The following F7 variants were observed in gnomAD, a reference collection of about 807,000 sequenced individuals.
The protein encoded by F7 is coagulation factor VII.
A neutral mutation model predicts 47.5 loss-of-function variants in F7; 38 were observed. That is an observed-to-expected ratio of 0.80 (90% confidence interval 0.62 to 1.05). The LOEUF is 1.05. Among genes scored for constraint, F7 ranks in the 50% least tolerant of loss-of-function variants. The pLI is 0.00. For synonymous variants in F7, 244 were observed against 258.5 expected, an observed-to-expected ratio of 0.94 and a Z score of 0.54; for missense variants, 575 against 605.4, an observed-to-expected ratio of 0.95 and a Z score of 0.53.
chr13:113,109,496 C>A (rs1396866098), intron 1 of F7, among the ~76,000 whole-genome samples: 1 of 152,178 alleles, frequency 6.6e-6, no homozygotes, highest in East Asian at 1.9e-4. Flanking sequence ...CTCGGCCCCA[C>A]GTGGCCCAGT....
At chr13:113,106,916 C>T (rs2035972088) in intron 1 of F7, 2 of 1,599,654 alleles carry the variant, frequency 1.3e-6, no homozygotes, top group Non-Finnish European at 8.5e-7. Context: ...CAGAGGTGAG[C>T]AGGGACTGCC....
In F7 at chr13:113,107,274, GGC is replaced by G. The variant is rs1566904836; in HGVS notation, c.64+1371_64+1372del. ...GTCCCGGGAGTGTGGGTGTCCCGGG[GGC>G]GTGGGTGTCCCAGGAGTGTGGGTGT... On this transcript the variant is annotated intron_variant, in intron 1 of 7. Transcript: ENST00000346342. Among the ~76,000 whole-genome samples, 234 of 63,146 alleles carry G rather than the reference GGC, an allele frequency of 3.7e-3. 19 individuals carry two copies. The highest frequency in any genetic ancestry group is 9.1e-3 in the Middle Eastern group (1 of 110). 41.4% of individuals were successfully genotyped at this position (63,146 alleles called of 152,430 possible).
Position 113,116,760 on chromosome 13 carries a change from AC to A in F7, c.506-5del, listed in dbSNP as rs747883037. 1 of 1,597,944 alleles carries A rather than the reference AC, an allele frequency of 6.3e-7. No homozygotes were observed. The highest frequency in any genetic ancestry group is 1.7e-5 in the Admixed American group (1 of 60,010). On this transcript the variant is annotated splice_region_variant and splice_polypyrimidine_tract_variant and intron_variant, in intron 5 of 7. Coordinates refer to ENST00000346342, the MANE Select transcript of F7 (RefSeq NM_019616.4). ...TCTGCATCTTTCTGACTTTTGTTTT[AC>A]ACAGTTGAATATCCATGTGGAAAAA...
In F7 at chr13:113,118,878, G is replaced by T; in HGVS notation, c.1205G>T (p.Trp402Leu). 2 of 1,612,816 alleles carry T rather than the reference G, an allele frequency of 1.2e-6. No individual in the cohort carries two copies. Among genetic ancestry groups the T allele is most frequent in the Non-Finnish European group, 1.7e-6 (2 of 1,179,952 alleles). The change falls in exon 8 of 8, where the codon TGG becomes TTG. Residue 402 changes from tryptophan (W) to leucine (L), a missense_variant. Physicochemically the swap from Trp to Leu is moderately conservative, Grantham distance 61. Coordinates refer to ENST00000346342, the MANE Select transcript of F7 (RefSeq NM_019616.4). ...TGGTACCTGACGGGCATCGTCAGCTGGGGCCAGGGCTGCGCAACCGTGGGC... is the reference window on the plus strand; with the variant it reads ...TGGTACCTGACGGGCATCGTCAGCTTGGGCCAGGGCTGCGCAACCGTGGGC... ...GTWYLTGIVSWGQGCATVGHF... is the reference protein window; with the variant it reads ...GTWYLTGIVSLGQGCATVGHF...
chr13:113,118,595 G>A lies in F7; in HGVS notation c.922G>A (p.Glu308Lys). The change falls in exon 8 of 8, where the codon GAG becomes AAG. Residue 308 changes from glutamate to lysine, a missense_variant. Physicochemically the swap from Glu to Lys is moderately conservative, Grantham distance 56. Coordinates refer to ENST00000346342, the MANE Select transcript of F7 (RefSeq NM_019616.4). The stretch of plus-strand genomic sequence containing the variant: ...CTGCCTGCCCGAACGGACGTTCTCT[G>A]AGAGGACGCTGGCCTTCGTGCGCTT... ...PLCLPERTFS[E>K]RTLAFVRFSL... 6.2e-7 allele frequency: 1 copy of A among 1,612,880 alleles called. No individual in the cohort carries two copies. Among genetic ancestry groups the A allele is most frequent in the Non-Finnish European group, 8.5e-7 (1 of 1,179,924 alleles).
Position 113,113,173 on chromosome 13 carries a change from C to CA in F7, c.226-578dup, listed in dbSNP as rs2036136157. Among the ~76,000 whole-genome samples the CA allele has an allele frequency of 6.6e-6, 1 of 152,234 alleles. No homozygotes were observed. Among genetic ancestry groups the CA allele is most frequent in the African/African-American group, 2.4e-5 (1 of 41,462 alleles). On this transcript the variant is annotated intron_variant, in intron 2 of 7. Transcript: ENST00000346342. This position sits in a 1 kb window ranked among gnomAD's most constrained non-coding sequence, Gnocchi z 4.1. ...CTCATGCTCAAAGAAGCCTCACACTCACAGGAGGTCCAGCTGTCTGAGGCA... is the reference window on the plus strand; with the variant it reads ...CTCATGCTCAAAGAAGCCTCACACTCAACAGGAGGTCCAGCTGTCTGAGGCA...
rs3093238 is a variant in F7, at chr13:113,106,888, G to A, written c.64+983G>A. On this transcript the variant is annotated intron_variant, in intron 1 of 7. Coordinates refer to ENST00000346342, the MANE Select transcript of F7 (RefSeq NM_019616.4). ...CAGGAGGAGAAACACGGGACATGCCGTGGAAGCCGGGGCCTCACAGAGGTG... is the reference window on the plus strand; with the variant it reads ...CAGGAGGAGAAACACGGGACATGCCATGGAAGCCGGGGCCTCACAGAGGTG... 3,161 of 1,606,486 alleles carry A rather than the reference G, an allele frequency of 2.0e-3. 62 individuals are homozygous for A. In the African/African-American group the frequency reaches 0.034, roughly 17 times the overall value.
chr13:113,109,501 C>A (rs543320571), intron 1 of F7, among the ~76,000 whole-genome samples: 1 of 152,314 alleles, frequency 6.6e-6, no homozygotes, highest in South Asian at 2.1e-4. Flanking sequence ...CCCCACGTGG[C>A]CCAGTAGCGC....
At position 113,118,863 on chromosome 13, in the gene F7, C is replaced by T. The variant is rs121964930; in HGVS notation, c.1190C>T (p.Thr397Met). The change falls in exon 8 of 8, where the codon ACG becomes ATG. Residue 397 changes from threonine to methionine, a missense_variant. By Grantham distance (81) the Thr-to-Met change is moderately conservative (BLOSUM62 -1). Transcript: ENST00000346342. ...ATHYRGTWYL[T>M]GIVSWGQGCA... ...CACTACCGGGGCACGTGGTACCTGA[C>T]GGGCATCGTCAGCTGGGGCCAGGGC... 18 of 1,612,718 alleles carry T rather than the reference C, an allele frequency of 1.1e-5. No homozygotes were observed. The highest frequency in any genetic ancestry group is 3.3e-5 in the South Asian group (3 of 91,068).
rs752581890 is a variant in F7, at chr13:113,118,429, C to T, written c.756C>T (p.Ser252=). Residue 252 remains serine (S), a synonymous_variant, in exon 8 of 8, where the codon AGC becomes AGT. Coordinates refer to ENST00000346342, the MANE Select transcript of F7 (RefSeq NM_019616.4). Reference sequence around the variant, plus strand: ...TCCTTCCAGGCGAGCACGACCTCAGCGAGCACGACGGGGATGAGCAGAGCC... The same window carrying T: ...TCCTTCCAGGCGAGCACGACCTCAGTGAGCACGACGGGGATGAGCAGAGCC... The part of the protein sequence containing the change: ...LIAVLGEHDL[S]EHDGDEQSRR... The T allele has an allele frequency of 2.8e-5, 44 of 1,597,824 alleles. No individual in the cohort carries two copies. The South Asian group carries it at 2.9e-4, about 10-fold the overall frequency.
In F7 at chr13:113,118,706, A is replaced by T. The variant is rs747673406; in HGVS notation, c.1033A>T (p.Thr345Ser). 49 of 1,612,204 alleles carry T rather than the reference A, an allele frequency of 3.0e-5. No individual in the cohort carries two copies. The Admixed American group carries it at 8.2e-4, about 27-fold the overall frequency. ...LMVLNVPRLMTQDCLQQSRKV... is the reference protein window; with the variant it reads ...LMVLNVPRLMSQDCLQQSRKV... ...GGTCCTCAACGTGCCCCGGCTGATG[A>T]CCCAGGACTGCCTGCAGCAGTCACG... is the stretch of plus-strand genomic sequence containing the variant. Residue 345 changes from threonine to serine, a missense_variant, in exon 8 of 8, where the codon ACC (threonine) becomes TCC (serine). Transcript: ENST00000346342.
At chr13:113,110,629 C>T (rs928096298) in intron 1 of F7, 61 bp from the exon 2 acceptor site, 3 of 1,543,092 alleles carry the variant, frequency 1.9e-6, no homozygotes, top group Non-Finnish European at 1.8e-6. Flanking sequence ...GGCCGTGGGG[C>T]GGTCTCCGAG....
rs779369836 is a variant in F7 at position 113,118,696 on chromosome 13, C to G, written c.1023C>G (p.Pro341=). The G allele has an allele frequency of 1.2e-6, 2 of 1,612,920 alleles. No individual in the cohort carries two copies. The highest frequency in any genetic ancestry group is 2.2e-5 in the South Asian group (2 of 91,062). ...TGGAGCTCATGGTCCTCAACGTGCC[C>G]CGGCTGATGACCCAGGACTGCCTGC... ...TALELMVLNV[P]RLMTQDCLQQ... is the part of the protein sequence containing the mutation. The change falls in exon 8 of 8, where the codon CCC becomes CCG. Residue 341 remains proline, a synonymous_variant. Coordinates refer to ENST00000346342, the MANE Select transcript of F7 (RefSeq NM_019616.4).
In F7 at chr13:113,113,959, G is replaced by A. The variant is rs200693831; in HGVS notation, c.363G>A (p.Thr121=). ...LPAFEGRNCE[T]HKDDQLICVN... Reference sequence around the variant, plus strand: ...CCTTCGAGGGCCGGAACTGTGAGACGCGTAAGGCCCCACTTTGGGTCCCAT... The same window carrying A: ...CCTTCGAGGGCCGGAACTGTGAGACACGTAAGGCCCCACTTTGGGTCCCAT... Residue 121 remains threonine, a splice_region_variant and synonymous_variant, in exon 4 of 8, where the codon ACG becomes ACA. Coordinates refer to ENST00000346342, the MANE Select transcript of F7 (RefSeq NM_019616.4). The surrounding 1 kb of genome is among the most constrained non-coding windows in gnomAD (Gnocchi z 4.1). The A allele has an allele frequency of 4.9e-5, 79 of 1,613,882 alleles. No homozygotes were observed. The highest frequency in any genetic ancestry group is 1.7e-4 in the Middle Eastern group (1 of 6,050).
intron 5 of F7, among the ~76,000 whole-genome samples, chr13:113,116,179 G>C (rs117591691): frequency 2.6e-5 from 4 of 152,296 alleles, no homozygotes; most frequent in East Asian, 1.9e-4. Flanking sequence ...ACTCGTAAAG[G>C]CTCCTGGGAA....
intron 2 of F7, 35 bp downstream of exon 2, chr13:113,110,885 C>T: frequency 1.3e-6 from 2 of 1,547,408 alleles, no homozygotes; most frequent in African/African-American, 1.4e-5. Flanking sequence ...GCGCCGCGGA[C>T]ACTGCAGGCG....
At chr13:113,110,381 C>G in intron 1 of F7, 1 of 331,894 alleles carries the variant, frequency 3.0e-6, no homozygotes, top group Non-Finnish European at 5.5e-6. Flanking sequence ...CCGGCATCGA[C>G]CCGCAGCCTC....
In F7 at chr13:113,110,697, A is replaced by G. The variant is rs2036074107; in HGVS notation, c.72A>G (p.Val24=). The change falls in exon 2 of 8, where the codon GTA becomes GTG. Residue 24 remains valine (V), a synonymous_variant. Transcript: ENST00000346342. ...GGAACTCGCATTTCCCAGTCTTCGT[A>G]ACCCAGGAGGAAGCCCACGGCGTCC... ...GLQGCLAAVF[V]TQEEAHGVLH... 6.5e-7 allele frequency: 1 copy of G among 1,548,264 alleles called. No individual in the cohort carries two copies. Among genetic ancestry groups the G allele is most frequent in the Non-Finnish European group, 8.7e-7 (1 of 1,146,416 alleles).
chr13:113,116,801 A>G lies in F7; in HGVS notation c.541A>G (p.Lys181Glu). 6.2e-7 allele frequency: 1 copy of G among 1,613,956 alleles called. No homozygotes were observed. Among genetic ancestry groups the G allele is most frequent in the Non-Finnish European group, 8.5e-7 (1 of 1,180,014 alleles). ...ATGTGGAAAAATACCTATTCTAGAA[A>G]AAAGAAATGCCAGCAAACCCCAAGG... ...YPCGKIPILEKRNASKPQGRI... is the reference protein window; with the variant it reads ...YPCGKIPILEERNASKPQGRI... Residue 181 changes from lysine to glutamate, a missense_variant, in exon 6 of 8, where the codon AAA becomes GAA. Coordinates refer to ENST00000346342, the MANE Select transcript of F7 (RefSeq NM_019616.4).
Sources: gnomAD v4.1 joint callset for allele counts (sites outside exome capture counted in the v4.1 genomes callset) on GRCh38, gnomAD v4.1.1 for gene constraint, Gnocchi (gnomAD v3.1) non-coding constraint, MANE v1.5 for transcripts, NCBI Gene and HGNC (gene_info 2026-07-23, HGNC 2026-07-21) for gene names.